IGF1R: variants seen among roughly 807,000 people sequenced by gnomAD.
The protein encoded by IGF1R is insulin-like growth factor 1 receptor.
Under a neutral mutation model 144.6 loss-of-function variants are expected in IGF1R, and 44 were observed. The ratio of observed to expected loss-of-function variants is 0.30; its 90% CI spans 0.24 to 0.39. The LOEUF is 0.39. Ranked by LOEUF, IGF1R falls within the 10% of genes least tolerant of loss-of-function variation. The pLI is 1.00. For synonymous variants in IGF1R, 795 were observed against 722.8 expected (o/e 1.10, Z -1.60); for missense variants, 1,355 against 1,833.7 (o/e 0.74, Z 4.77).
chr15:98,658,752 T>A (rs2052538786), intron 1 of IGF1R, among the ~76,000 whole-genome samples: 1 of 152,228 alleles, frequency 6.6e-6, no homozygotes, highest in Non-Finnish European at 1.5e-5. Flanking sequence ...ATTACTCCTT[T>A]TGAGTTCATA....
In IGF1R at chr15:98,918,955, G is replaced by A. The variant is rs77565743; in HGVS notation, c.2201+2079G>A. On this transcript the variant is annotated intron_variant, in intron 10 of 20. Transcript: ENST00000650285. ...CCTCTCCTAGCCTGCCCCGCTGGGG[G>A]AGTCTTCTGCCTGCTGGTGTGTGGC... is the stretch of plus-strand genomic sequence containing the variant. 3.5e-3 allele frequency among the ~76,000 whole-genome samples: 534 copies of A among 152,282 alleles called. 4 individuals carry two copies. Among genetic ancestry groups the A allele is most frequent in the African/African-American group, 0.012 (491 of 41,552 alleles).
intron 1 of IGF1R, among the ~76,000 whole-genome samples, chr15:98,661,466 A>G (rs1455839467): frequency 6.6e-6 from 1 of 152,218 alleles, no homozygotes; most frequent in Non-Finnish European, 1.5e-5. Flanking sequence ...AGAAAATGTA[A>G]ACATAATCAT....
Position 98,956,589 on chromosome 15 carries a change from C to T in IGF1R, c.3723-472C>T, listed in dbSNP as rs868026258. Among the ~76,000 whole-genome samples, 4 of 152,164 alleles carry T rather than the reference C, an allele frequency of 2.6e-5. No individual in the cohort carries two copies. In the East Asian group the frequency reaches 5.8e-4, roughly 22 times the overall value. On this transcript the variant is annotated intron_variant, in intron 20 of 20. Coordinates refer to ENST00000650285, the MANE Select transcript of IGF1R (RefSeq NM_000875.5). ...GCTTAGAAATAGCACAGGTGGGAACCGGAGAGAGAGCACTGTTGGGGAAGC... is the reference window on the plus strand; with the variant it reads ...GCTTAGAAATAGCACAGGTGGGAACTGGAGAGAGAGCACTGTTGGGGAAGC...
At chr15:98,799,023 C>T (rs2056307133) in intron 2 of IGF1R, among the ~76,000 whole-genome samples, 1 of 152,050 alleles carries the variant, frequency 6.6e-6, no homozygotes, top group Non-Finnish European at 1.5e-5. Flanking sequence ...TATGTGTGTC[C>T]TGGTATGTAT....
At chr15:98,691,049 G>A (rs770690110) in intron 1 of IGF1R, among the ~76,000 whole-genome samples, 5 of 152,142 alleles carry the variant, frequency 3.3e-5, no homozygotes, top group Non-Finnish European at 5.9e-5. Context: ...TAACAGCTTC[G>A]CCTCTGTTAA....
chr15:98,771,145 T>C (rs1229072772), intron 2 of IGF1R, among the ~76,000 whole-genome samples: 1 of 152,188 alleles, frequency 6.6e-6, no homozygotes, highest in Non-Finnish European at 1.5e-5. Flanking sequence ...GAGTCAGTTG[T>C]GGCACTGTTT....
In IGF1R at chr15:98,672,377, G is replaced by A. The variant is rs146394907; in HGVS notation, c.94+22702G>A. Reference sequence around the variant, plus strand: ...GTCGGGAGTTTGAGACCAGCCTGGCGAGCACGGCGAAACCCCGTCTCTACG... The same window carrying A: ...GTCGGGAGTTTGAGACCAGCCTGGCAAGCACGGCGAAACCCCGTCTCTACG... On this transcript the variant is annotated intron_variant, in intron 1 of 20. Transcript: ENST00000650285. Among the ~76,000 whole-genome samples, 870 of 152,102 alleles carry A rather than the reference G, an allele frequency of 5.7e-3. 9 individuals carry two copies. The highest frequency in any genetic ancestry group is 0.02 in the African/African-American group (819 of 41,494).
chr15:98,817,313 TA>T, intron 2 of IGF1R, among the ~76,000 whole-genome samples: 1 of 107,700 alleles, frequency 9.3e-6, no homozygotes. Context: ...AAAATAATAA[TA>T]ATAATAATAA....
At chr15:98,946,594 A>T (rs1375166551) in intron 19 of IGF1R, among the ~76,000 whole-genome samples, 1 of 152,170 alleles carries the variant, frequency 6.6e-6, no homozygotes, top group East Asian at 1.9e-4. Flanking sequence ...TGGGACTCCG[A>T]GGAGGCCAAG....
At chr15:98,747,445 C>T (rs1596262480) in intron 2 of IGF1R, among the ~76,000 whole-genome samples, 1 of 152,174 alleles carries the variant, frequency 6.6e-6, no homozygotes, top group South Asian at 2.1e-4. Context: ...ATCCGCCCGC[C>T]TCGGCCTCCC....
chr15:98,812,191 T>C (rs1283812067), intron 2 of IGF1R, among the ~76,000 whole-genome samples: 2 of 152,116 alleles, frequency 1.3e-5, no homozygotes, highest in Non-Finnish European at 2.9e-5. Flanking sequence ...CTGGGAGCCA[T>C]GGCTCTTGGG....
At chr15:98,950,348 G>T (rs1322926861) in intron 20 of IGF1R, among the ~76,000 whole-genome samples, 1 of 152,212 alleles carries the variant, frequency 6.6e-6, no homozygotes, top group African/African-American at 2.4e-5. Context: ...CAGTGTCTGT[G>T]GGCCAGGAAT....
At chr15:98,910,118 G>A (rs2014941801) in intron 6 of IGF1R, among the ~76,000 whole-genome samples, 1 of 152,204 alleles carries the variant, frequency 6.6e-6, no homozygotes, top group Admixed American at 6.5e-5. Flanking sequence ...GGCGACACTT[G>A]TTGCTCTGGG....
At chr15:98,871,846 C>G (rs2012803725) in intron 2 of IGF1R, among the ~76,000 whole-genome samples, 2 of 152,212 alleles carry the variant, frequency 1.3e-5, no homozygotes, top group Admixed American at 6.5e-5. Flanking sequence ...GGTGGGGACA[C>G]AGAGCCAAAC....
intron 2 of IGF1R, among the ~76,000 whole-genome samples, chr15:98,828,332 G>T (rs1360790048): frequency 6.6e-6 from 1 of 152,016 alleles, no homozygotes; most frequent in African/African-American, 2.4e-5. Flanking sequence ...CCTACAAAAA[G>T]CCACTGCAAG....
rs565227523 is a variant in IGF1R, at chr15:98,929,083, C to T, written c.2783-475C>T. Among the ~76,000 whole-genome samples the T allele has an allele frequency of 3.9e-5, 6 of 152,108 alleles. No homozygotes were observed. The East Asian group carries it at 1.2e-3, about 29-fold the overall frequency. ...TTTATTAGAAATAGAATGCTTGCTG[C>T]TGCAAGCATTTGAGTCCTTTTACAG... is the stretch of plus-strand genomic sequence containing the variant. On this transcript the variant is annotated intron_variant, in intron 13 of 20. Transcript: ENST00000650285.
At chr15:98,680,241 G>A (rs888634775) in intron 1 of IGF1R, among the ~76,000 whole-genome samples, 2 of 151,602 alleles carry the variant, frequency 1.3e-5, no homozygotes, top group Non-Finnish European at 2.9e-5. Flanking sequence ...AGCTTTATTC[G>A]TGGTGGTACT....
chr15:98,656,296 C>T (rs1332538192), intron 1 of IGF1R, among the ~76,000 whole-genome samples: 1 of 152,192 alleles, frequency 6.6e-6, no homozygotes, highest in Non-Finnish European at 1.5e-5. Flanking sequence ...CTGCCTGTAA[C>T]CCCAGCACTT....
intron 2 of IGF1R, among the ~76,000 whole-genome samples, chr15:98,810,384 G>T (rs571826767): frequency 6.6e-6 from 1 of 152,162 alleles, no homozygotes; most frequent in East Asian, 1.9e-4. Context: ...GCTATTTAAG[G>T]TAAAAATAAT....
Sources: gnomAD v4.1 joint callset for allele counts (sites outside exome capture counted in the v4.1 genomes callset) on GRCh38, gnomAD v4.1.1 for gene constraint, MANE v1.5 for transcripts, NCBI Gene and HGNC (gene_info 2026-07-23, HGNC 2026-07-21) for gene names.